The following CACHD1 variants were observed in gnomAD, a reference collection of about 807,000 sequenced individuals.
CACHD1 encodes cache domain containing 1.
A neutral mutation model predicts 138.7 loss-of-function variants in CACHD1; 71 were observed. The observed-to-expected ratio is 0.51, with a 90% CI of 0.42 to 0.62. The LOEUF is 0.62. CACHD1 is among the 20% of genes least tolerant of loss of function. The probability of loss-of-function intolerance (pLI) is 0.00; values close to 1 mark genes in which losing one functional copy is unlikely to be tolerated. For missense variants in CACHD1, 1,389 were observed against 1,625.3 expected, an observed-to-expected ratio of 0.85 and a Z score of 2.50; for synonymous variants, 578 against 591.5, an observed-to-expected ratio of 0.98 and a Z score of 0.33.
intron 3 of CACHD1, among the ~76,000 whole-genome samples, chr1:64,598,179 C>T (rs192125835): frequency 4.2e-4 from 64 of 152,286 alleles, no homozygotes; most frequent in Admixed American, 9.2e-4. Context: ...TTCACTTTTG[C>T]TTCCAGTAGT....
At chr1:64,660,310 C>T (rs868562714) in intron 13 of CACHD1, among the ~76,000 whole-genome samples, 1 of 152,042 alleles carries the variant, frequency 6.6e-6, no homozygotes, top group Non-Finnish European at 1.5e-5. Context: ...GCATATCTCC[C>T]ATAGCTACAG....
chr1:64,652,847 G>A (rs1396076067), intron 10 of CACHD1, among the ~76,000 whole-genome samples: 1 of 152,160 alleles, frequency 6.6e-6, no homozygotes, highest in Admixed American at 6.5e-5. Flanking sequence ...ATTCCTCAAA[G>A]AGATGAAAAC....
chr1:64,656,823 T>C (rs1649277745), intron 12 of CACHD1, among the ~76,000 whole-genome samples: 1 of 151,192 alleles, frequency 6.6e-6, no homozygotes, highest in South Asian at 2.1e-4. Context: ...GGTTACCCAG[T>C]AATAAGGGCA....
chr1:64,545,004 G>A (rs1646707865), intron 1 of CACHD1, among the ~76,000 whole-genome samples: 1 of 152,148 alleles, frequency 6.6e-6, no homozygotes, highest in South Asian at 2.1e-4. Context: ...GAATTGCTAG[G>A]TGACTCTTCA....
chr1:64,626,309 A>AT (rs1553140396), intron 4 of CACHD1, among the ~76,000 whole-genome samples: 6 of 147,794 alleles, frequency 4.1e-5, no homozygotes, highest in Non-Finnish European at 9.2e-5. Flanking sequence ...TGGCTGTCAC[A>AT]TGTGTTAATT....
intron 2 of CACHD1, among the ~76,000 whole-genome samples, chr1:64,557,576 C>T (rs1032655673): frequency 2.8e-4 from 43 of 152,064 alleles, no homozygotes; most frequent in African/African-American, 8.7e-4. Context: ...TGCTCTTCTG[C>T]GGTTTTTGAT....
intron 26 of CACHD1, among the ~76,000 whole-genome samples, chr1:64,685,730 C>T (rs1045067213): frequency 1.3e-5 from 2 of 151,638 alleles, no homozygotes; most frequent in Non-Finnish European, 2.9e-5. Flanking sequence ...CCCAGCTACT[C>T]GGGAGACTGA....
At chr1:64,619,279 A>G (rs1647824196) in intron 4 of CACHD1, among the ~76,000 whole-genome samples, 1 of 152,166 alleles carries the variant, frequency 6.6e-6, no homozygotes, top group South Asian at 2.1e-4. Flanking sequence ...ATGGGAAGTG[A>G]GAATGCCTGA....
chr1:64,592,872 C>T (rs537876081), intron 3 of CACHD1, among the ~76,000 whole-genome samples: 5 of 152,104 alleles, frequency 3.3e-5, no homozygotes, highest in African/African-American at 9.7e-5. Context: ...AAAGCAAAGA[C>T]GTCCAGGGGC....
chr1:64,568,847 A>G (rs1646903917), intron 2 of CACHD1, among the ~76,000 whole-genome samples: 1 of 152,128 alleles, frequency 6.6e-6, no homozygotes, highest in Admixed American at 6.5e-5. Flanking sequence ...AGCAATATAT[A>G]TCTATTGTTT....
intron 1 of CACHD1, among the ~76,000 whole-genome samples, chr1:64,495,687 A>C (rs1646302071): frequency 1.6e-5 from 1 of 62,862 alleles, no homozygotes; most frequent in African/African-American, 4.5e-5. Context: ...AGCTAAGAGA[A>C]TTACTTTTTT....
chr1:64,557,006 C>G (rs1465454949), intron 2 of CACHD1, among the ~76,000 whole-genome samples: 1 of 151,960 alleles, frequency 6.6e-6, no homozygotes, highest in Non-Finnish European at 1.5e-5. Flanking sequence ...GTAGTCCCAG[C>G]TACTTGGGAG....
chr1:64,611,560 G>A (rs1177345011), intron 4 of CACHD1, among the ~76,000 whole-genome samples: 2 of 152,230 alleles, frequency 1.3e-5, no homozygotes, highest in Non-Finnish European at 2.9e-5. Flanking sequence ...TGCCAGGGCA[G>A]AAGCAAAAGT....
chr1:64,544,151 C>T (rs987439859), intron 1 of CACHD1, among the ~76,000 whole-genome samples: 6 of 152,106 alleles, frequency 3.9e-5, no homozygotes, highest in Non-Finnish European at 8.8e-5. Flanking sequence ...CATTACTGAA[C>T]TGTCAGCCAT....
At position 64,671,555 on chromosome 1, in the gene CACHD1, C is replaced by T; in HGVS notation, c.2388-9C>T. The T allele has an allele frequency of 6.2e-7, 1 of 1,613,828 alleles. No individual in the cohort carries two copies. On this transcript the variant is annotated splice_polypyrimidine_tract_variant and intron_variant, in intron 16 of 26. Coordinates refer to ENST00000651257, the MANE Select transcript of CACHD1 (RefSeq NM_020925.4). The stretch of plus-strand genomic sequence containing the variant: ...GCCTATTGTTCTCATTGATCTTTTT[C>T]ACTTAAAGTACACAGCTGTCTTCTG...
intron 1 of CACHD1, among the ~76,000 whole-genome samples, chr1:64,519,054 A>C (rs752065332): frequency 3.9e-5 from 6 of 152,098 alleles, no homozygotes; most frequent in Non-Finnish European, 7.3e-5. Context: ...AATTTTAGAG[A>C]TAGGTACCAT....
chr1:64,472,990 G>T (rs887864620), intron 1 of CACHD1, among the ~76,000 whole-genome samples: 6 of 152,114 alleles, frequency 3.9e-5, no homozygotes, highest in Non-Finnish European at 7.4e-5. Context: ...ATTCAGGTAG[G>T]GATCCTAAGC....
At chr1:64,676,035 A>C in intron 21 of CACHD1, 52 bp downstream of exon 21, 1 of 393,608 alleles carries the variant, frequency 2.5e-6, no homozygotes, top group East Asian at 9.2e-5. Context: ...AATAATAATA[A>C]TAATACATAT....
chr1:64,663,700 C>T lies in CACHD1; in HGVS notation c.1957C>T (p.Pro653Ser), dbSNP rs1202710311. The stretch of plus-strand genomic sequence containing the variant: ...TTTGTTTGCTTCTCTTTCAGAAAGT[C>T]CCACCATCATGCTGTCTGCTGGCAG... ...HFKQLATLES[P>S]TIMLSAGSFS... is the part of the protein sequence containing the mutation. Residue 653 changes from proline to serine, a missense_variant, in exon 14 of 27, where the codon CCC (proline) becomes TCC (serine). Around this residue, in one of 5 missense-constraint regions of CACHD1, gnomAD observed 1,000 missense variants for 1,114.7 expected, o/e 0.90. Transcript: ENST00000651257. The T allele has an allele frequency of 1.9e-6, 3 of 1,614,106 alleles. No homozygotes were observed. In the South Asian group the frequency reaches 3.3e-5, roughly 18 times the overall value.
Sources: allele counts gnomAD v4.1 joint callset (sites outside exome capture counted in the v4.1 genomes callset), GRCh38; gene constraint gnomAD v4.1.1; regional missense constraint gnomAD v4.1.1; transcripts MANE v1.5; gene names NCBI Gene and HGNC (gene_info 2026-07-23, HGNC 2026-07-21).